RIMBP2: variants seen among roughly 807,000 people sequenced by gnomAD.
The protein encoded by RIMBP2 is RIMS-binding protein 2.
Under a neutral mutation model 118.6 loss-of-function variants are expected in RIMBP2, and 48 were observed. The ratio of observed to expected loss-of-function variants is 0.40; its 90% CI spans 0.32 to 0.51. The LOEUF (loss-of-function observed/expected upper bound fraction) is 0.51. Among genes scored for constraint, RIMBP2 ranks in the 20% least tolerant of loss-of-function variants. The pLI is 0.41. For missense variants in RIMBP2, 1,551 were observed against 1,768.3 expected, an observed-to-expected ratio of 0.88 and a Z score of 2.20; for synonymous variants, 762 against 742.9, an observed-to-expected ratio of 1.03 and a Z score of -0.42.
chr12:130,437,034 C>A lies in RIMBP2; in HGVS notation c.1914G>T (p.Met638Ile). Reference sequence around the variant, plus strand: ...CACGGCTCTGCTCCCAGGCCTCATCCATCCTGGCGTGGGGACCCAGGTGCT... The same window carrying A: ...CACGGCTCTGCTCCCAGGCCTCATCAATCCTGGCGTGGGGACCCAGGTGCT... ...KDEHLGPHAR[M>I]DEAWEQSRAP... The change falls in exon 13 of 23, where the codon ATG becomes ATT. Residue 638 changes from methionine (M) to isoleucine (I), a missense_variant. Physicochemically the swap from Met to Ile is conservative, Grantham distance 10 (BLOSUM62 1). Around this residue, in one of 5 missense-constraint regions of RIMBP2, gnomAD observed 1,038 missense variants for 1,125.1 expected, o/e 0.92. Coordinates refer to ENST00000690449, the MANE Select transcript of RIMBP2 (RefSeq NM_001393629.1). 1 of 1,579,882 alleles carries A rather than the reference C, an allele frequency of 6.3e-7. No homozygotes were observed. The highest frequency in any genetic ancestry group is 8.6e-7 in the Non-Finnish European group (1 of 1,160,552).
chr12:130,684,375 T>C (rs1292021277), intron 1 of RIMBP2, among the ~76,000 whole-genome samples: 3 of 152,216 alleles, frequency 2.0e-5, no homozygotes, highest in Non-Finnish European at 4.4e-5. Flanking sequence ...TCTCAGGACC[T>C]CCTGAGGGCC....
chr12:130,582,138 G>A (rs2058523662), intron 2 of RIMBP2, among the ~76,000 whole-genome samples: 1 of 152,094 alleles, frequency 6.6e-6, no homozygotes, highest in African/African-American at 2.4e-5. Context: ...CTCCTCCTCT[G>A]CTGTCTCCAT....
At chr12:130,544,143 T>C (rs1340708600) in intron 2 of RIMBP2, among the ~76,000 whole-genome samples, 15 of 152,200 alleles carry the variant, frequency 9.9e-5, no homozygotes, top group Admixed American at 9.8e-4. Flanking sequence ...CCATATCCTA[T>C]CTGTAAGGCT....
At chr12:130,628,015 G>A (rs1456553652) in intron 2 of RIMBP2, among the ~76,000 whole-genome samples, 3 of 152,146 alleles carry the variant, frequency 2.0e-5, no homozygotes, top group Non-Finnish European at 1.5e-5. Flanking sequence ...AGCACAGCCA[G>A]CCCTGAGGTC....
chr12:130,601,190 C>T lies in RIMBP2; in HGVS notation c.-217+27132G>A, dbSNP rs748121815. ...TGTGTGATTTAACCAACCAGAAGGA[C>T]GACCAGTAATCAAGATCACAAGCTA... On this transcript the variant is annotated intron_variant, in intron 2 of 22. Coordinates refer to ENST00000690449, the MANE Select transcript of RIMBP2 (RefSeq NM_001393629.1). Among the ~76,000 whole-genome samples the T allele has an allele frequency of 2.2e-4, 34 of 152,076 alleles. 1 individual carries two copies. Among genetic ancestry groups the T allele is most frequent in the Admixed American group, 1.2e-3 (19 of 15,264 alleles).
At chr12:130,696,463 C>T (rs143162042) in intron 1 of RIMBP2, among the ~76,000 whole-genome samples, 250 of 152,152 alleles carry the variant, frequency 1.6e-3, no homozygotes, top group Non-Finnish European at 3.0e-3. Flanking sequence ...TATAGATCAC[C>T]ACCACAAAAT....
chr12:130,636,706 C>T (rs754031787), intron 1 of RIMBP2, among the ~76,000 whole-genome samples: 10 of 152,142 alleles, frequency 6.6e-5, no homozygotes, highest in Admixed American at 1.3e-4. Flanking sequence ...GTCAGCCTGG[C>T]GTTACAGAGA....
chr12:130,610,872 T>A (rs906770958), intron 2 of RIMBP2, among the ~76,000 whole-genome samples: 1 of 152,194 alleles, frequency 6.6e-6, no homozygotes, highest in African/African-American at 2.4e-5. Flanking sequence ...TTTCCTGCTT[T>A]AAATTCACTG....
rs1245251799 is a variant in RIMBP2 at position 130,424,077 on chromosome 12, C to G, written c.3129+65G>C. On this transcript the variant is annotated intron_variant, in intron 16 of 22. Transcript: ENST00000690449. This position sits in a 1 kb window ranked among gnomAD's most constrained non-coding sequence, Gnocchi z 9.8. The stretch of plus-strand genomic sequence containing the variant: ...GATGGACACCAGAACAAACAGAAAA[C>G]CAGTGAAAGGATGGGACAGATTGGT... The G allele has an allele frequency of 4.5e-6, 4 of 885,554 alleles. No homozygotes were observed. Among genetic ancestry groups the G allele is most frequent in the Admixed American group, 4.3e-5 (1 of 23,274 alleles). The allele number at this position is 885,554 out of a possible 1,614,324, so 54.9% of individuals were successfully genotyped here.
chr12:130,577,232 G>A (rs1170679922), intron 2 of RIMBP2, among the ~76,000 whole-genome samples: 4 of 152,198 alleles, frequency 2.6e-5, no homozygotes, highest in Non-Finnish European at 5.9e-5. Context: ...GACTTACAGG[G>A]CAGCTATGGT....
At chr12:130,628,114 T>C (rs1244995695) in intron 2 of RIMBP2, among the ~76,000 whole-genome samples, 2 of 152,188 alleles carry the variant, frequency 1.3e-5, no homozygotes, top group African/African-American at 4.8e-5. Context: ...CTCAGGGCCT[T>C]TGCACGGCTG....
chr12:130,646,406 T>TCACCTCCCTCG (rs1555317645), intron 1 of RIMBP2, among the ~76,000 whole-genome samples: 1 of 10,606 alleles, frequency 9.4e-5, no homozygotes, highest in Non-Finnish European at 1.7e-4. Flanking sequence ...CACCTGCCTC[T>TCACCTCCCTCG]CCACCTCCCT....
intron 13 of RIMBP2, among the ~76,000 whole-genome samples, 155 bp from the exon 14 acceptor site, chr12:130,435,035 C>T (rs796146107): frequency 2.6e-5 from 4 of 151,530 alleles, no homozygotes; most frequent in African/African-American, 9.7e-5. Context: ...CTCGCTGCCC[C>T]AGACCCACCA....
At position 130,437,096 on chromosome 12, in the gene RIMBP2, G is replaced by C. The variant is rs147245171; in HGVS notation, c.1852C>G (p.Pro618Ala). The C allele has an allele frequency of 2.5e-6, 4 of 1,578,204 alleles. No individual in the cohort carries two copies. Among genetic ancestry groups the C allele is most frequent in the Non-Finnish European group, 2.6e-6 (3 of 1,160,528 alleles). Residue 618 changes from proline to alanine, a missense_variant, in exon 13 of 23, where the codon CCA becomes GCA. By Grantham distance (27) the Pro-to-Ala change is conservative. Transcript: ENST00000690449. ...TCGGGGACTCCAGAACTTGCTAATGGCTTTGATTGGGGTGCAGGTCTCGGG... is the reference window on the plus strand; with the variant it reads ...TCGGGGACTCCAGAACTTGCTAATGCCTTTGATTGGGGTGCAGGTCTCGGG... ...PHPRPAPQSK[P>A]LASSGVPETK...
chr12:130,646,065 G>C (rs61936788), intron 1 of RIMBP2, among the ~76,000 whole-genome samples: 10,946 of 78,828 alleles, frequency 0.14, 811 homozygotes, highest in East Asian at 0.28. Flanking sequence ...CTCACCACCT[G>C]CCTCTCCACC....
At position 130,493,082 on chromosome 12, in the gene RIMBP2, A is replaced by G. The variant is rs2138482358; in HGVS notation, c.-4+13566T>C. Among the ~76,000 whole-genome samples, 2 of 152,254 alleles carry G rather than the reference A, an allele frequency of 1.3e-5. 1 individual carries two copies. The highest frequency in any genetic ancestry group is 4.1e-4 in the South Asian group (2 of 4,834). On this transcript the variant is annotated intron_variant, in intron 4 of 22. Transcript: ENST00000690449. ...GGCGCAGGAGGCGGAGGCTGCAGTG[A>G]GCCTAGATAACGCACTGCACTCCAG... is the stretch of plus-strand genomic sequence containing the variant.
At chr12:130,677,652 T>C (rs1458996383) in intron 1 of RIMBP2, among the ~76,000 whole-genome samples, 2 of 151,920 alleles carry the variant, frequency 1.3e-5, no homozygotes, top group Non-Finnish European at 2.9e-5. Context: ...AAAAAAAGAT[T>C]ACCTTTAGCA....
intron 1 of RIMBP2, among the ~76,000 whole-genome samples, chr12:130,632,841 T>G (rs2062086963): frequency 6.6e-6 from 1 of 152,224 alleles, no homozygotes; most frequent in Non-Finnish European, 1.5e-5. Context: ...AAAGTTTTAA[T>G]TAACAGAGCC....
rs1002975571 is a variant in RIMBP2, at chr12:130,518,159, A to G, written c.-216-242T>C. ...ATTAGAATATAATACAATAATACAT[A>G]TTAATCACTTAGTGTCTGTGTCCTA... On this transcript the variant is annotated intron_variant, in intron 2 of 22. Transcript: ENST00000690449. Among the ~76,000 whole-genome samples, 5 of 152,352 alleles carry G rather than the reference A, an allele frequency of 3.3e-5. No individual in the cohort carries two copies. The East Asian group carries it at 9.6e-4, about 29-fold the overall frequency.
Sources: gnomAD v4.1 joint callset for allele counts (sites outside exome capture counted in the v4.1 genomes callset) on GRCh38, gnomAD v4.1.1 for gene constraint, gnomAD v4.1.1 regional missense constraint, Gnocchi (gnomAD v3.1) non-coding constraint, MANE v1.5 for transcripts, NCBI Gene and HGNC (gene_info 2026-07-23, HGNC 2026-07-21) for gene names.